THSD7B: variants seen among roughly 807,000 people sequenced by gnomAD.
The protein encoded by THSD7B is thrombospondin type-1 domain-containing protein 7B.
THSD7B carries 138 observed loss-of-function variants against 213.6 expected under a neutral mutation model. That is an observed-to-expected ratio of 0.65 (90% CI 0.56 to 0.74). The LOEUF (loss-of-function observed/expected upper bound fraction) is 0.74. Ranked by LOEUF, THSD7B falls within the 30% of genes least tolerant of loss-of-function variation. THSD7B has a pLI of 0.00. For synonymous variants in THSD7B, 742 were observed against 687.0 expected, an observed-to-expected ratio of 1.08 and a Z score of -1.25; for missense variants, 1,931 against 1,991.5, an observed-to-expected ratio of 0.97 and a Z score of 0.58.
chr2:137,043,434 C>T (rs977087989), intron 2 of THSD7B, among the ~76,000 whole-genome samples: 5 of 152,078 alleles, frequency 3.3e-5, no homozygotes, highest in African/African-American at 9.7e-5. Flanking sequence ...TCAGTGACCT[C>T]GGCCTGCTCT....
intron 1 of THSD7B, among the ~76,000 whole-genome samples, chr2:136,858,193 A>G (rs189151731): frequency 6.6e-6 from 1 of 152,376 alleles, no homozygotes; most frequent in East Asian, 1.9e-4. Context: ...ATACATTTAA[A>G]GCGATGATTA....
At chr2:137,599,349 A>G (rs1245537823) in intron 17 of THSD7B, among the ~76,000 whole-genome samples, 1 of 152,156 alleles carries the variant, frequency 6.6e-6, no homozygotes, top group Non-Finnish European at 1.5e-5. Context: ...ACTTCTCAAA[A>G]GAAGACATTT....
At chr2:136,946,235 G>A (rs1456511403) in intron 2 of THSD7B, among the ~76,000 whole-genome samples, 1 of 152,202 alleles carries the variant, frequency 6.6e-6, no homozygotes, top group Non-Finnish European at 1.5e-5. Context: ...CTGCAGGTCT[G>A]TTGGAGTGTG....
chr2:137,171,637 G>T (rs1410555985), intron 7 of THSD7B, among the ~76,000 whole-genome samples: 1 of 152,138 alleles, frequency 6.6e-6, no homozygotes, highest in Non-Finnish European at 1.5e-5. Flanking sequence ...AGAATATCGT[G>T]TATATTTATT....
At position 137,419,372 on chromosome 2, in the gene THSD7B, G is replaced by GTTTTTTTTTTTTTTTTTTTTTTTTTT. The variant is rs1246056674; in HGVS notation, c.2959+7502_2959+7503insTTTTTTTTTTTTTTTTTTTTTTTTTT. Among the ~76,000 whole-genome samples, 25 of 81,394 alleles carry GTTTTTTTTTTTTTTTTTTTTTTTTTT rather than the reference G, an allele frequency of 3.1e-4. 5 individuals are homozygous for GTTTTTTTTTTTTTTTTTTTTTTTTTT. The highest frequency in any genetic ancestry group is 6.4e-4 in the East Asian group (1 of 1,572). The allele number at this position is 81,394 out of a possible 152,430, so 53.4% of individuals were successfully genotyped here. ...AGCCCCCACTTTTGGTGGGTCCTGAGTTCTTGTCCCACATCAAAGAAGAAT... is the reference window on the plus strand; with the variant it reads ...AGCCCCCACTTTTGGTGGGTCCTGAGTTTTTTTTTTTTTTTTTTTTTTTTTTTTCTTGTCCCACATCAAAGAAGAAT... On this transcript the variant is annotated intron_variant, in intron 14 of 27. Transcript: ENST00000409968.
intron 4 of THSD7B, among the ~76,000 whole-genome samples, chr2:137,097,872 C>A (rs889703467): frequency 6.6e-6 from 1 of 151,112 alleles, no homozygotes; most frequent in East Asian, 1.9e-4. Flanking sequence ...TACCAATCAA[C>A]CAGTGTTCCA....
chr2:137,522,204 T>C (rs1409899381), intron 15 of THSD7B, among the ~76,000 whole-genome samples: 1 of 152,194 alleles, frequency 6.6e-6, no homozygotes, highest in African/African-American at 2.4e-5. Context: ...CTTCTCTCTG[T>C]GTGTAGTCTT....
intron 1 of THSD7B, among the ~76,000 whole-genome samples, chr2:136,775,404 G>A (rs1393027988): frequency 6.6e-6 from 1 of 152,098 alleles, no homozygotes; most frequent in East Asian, 1.9e-4. Context: ...TTGGTGACTT[G>A]TAACAAGTCA....
chr2:136,848,934 A>G (rs1683052437), intron 1 of THSD7B, among the ~76,000 whole-genome samples: 1 of 152,128 alleles, frequency 6.6e-6, no homozygotes, highest in African/African-American at 2.4e-5. Context: ...GCTACTGTTT[A>G]TTGAATGTCT....
At chr2:137,054,766 CTTT>C (rs200545780) in intron 2 of THSD7B, among the ~76,000 whole-genome samples, 2 of 145,154 alleles carry the variant, frequency 1.4e-5, no homozygotes, top group Non-Finnish European at 3.0e-5. Context: ...GCTGATAAAA[CTTT>C]TTTTTTTTTT....
intron 14 of THSD7B, among the ~76,000 whole-genome samples, chr2:137,449,188 C>A (rs1305381068): frequency 6.6e-6 from 1 of 151,828 alleles, no homozygotes; most frequent in Non-Finnish European, 1.5e-5. Context: ...TTATTCTGGG[C>A]CAGAAATGGT....
At chr2:137,234,239 G>C (rs1681712061) in intron 9 of THSD7B, among the ~76,000 whole-genome samples, 1 of 152,178 alleles carries the variant, frequency 6.6e-6, no homozygotes, top group African/African-American at 2.4e-5. Context: ...GCCCTCCATG[G>C]CAAAATATGA....
intron 1 of THSD7B, among the ~76,000 whole-genome samples, chr2:136,847,451 T>C (rs1440065645): frequency 6.6e-6 from 1 of 152,198 alleles, no homozygotes; most frequent in African/African-American, 2.4e-5. Flanking sequence ...GGGTGATTTC[T>C]GTCTCATGGA....
At chr2:136,845,149 T>G (rs1191597467) in intron 1 of THSD7B, among the ~76,000 whole-genome samples, 1 of 152,120 alleles carries the variant, frequency 6.6e-6, no homozygotes, top group African/African-American at 2.4e-5. Context: ...TCTCTAGAGA[T>G]GTTGTGAAGC....
chr2:137,304,251 A>G (rs1683686181), intron 12 of THSD7B, among the ~76,000 whole-genome samples: 1 of 152,126 alleles, frequency 6.6e-6, no homozygotes, highest in Admixed American at 6.5e-5. Flanking sequence ...AGATTGCACC[A>G]CTAATGTCTA....
At chr2:137,016,161 T>G (rs1014211051) in intron 2 of THSD7B, among the ~76,000 whole-genome samples, 8 of 152,082 alleles carry the variant, frequency 5.3e-5, no homozygotes, top group African/African-American at 1.9e-4. Flanking sequence ...TCCTCATCTA[T>G]GAGGAAATTG....
At chr2:136,858,444 T>G (rs1386337978) in intron 1 of THSD7B, among the ~76,000 whole-genome samples, 2 of 152,250 alleles carry the variant, frequency 1.3e-5, no homozygotes, top group African/African-American at 4.8e-5. Flanking sequence ...CTAATGGTCC[T>G]TTGCATTTCT....
At chr2:136,844,484 G>GAGAGAGAGAGAGAGAGAGAGAGAGAC (rs1470105512) in intron 1 of THSD7B, among the ~76,000 whole-genome samples, 1 of 149,530 alleles carries the variant, frequency 6.7e-6, no homozygotes, top group Non-Finnish European at 1.5e-5. Context: ...GAGAGAGAGA[G>GAGAGAGAGAGAGAGAGAGAGAGAGAC]AGAGAGAGAG....
chr2:137,666,937 A>G (rs1683459553), intron 26 of THSD7B, among the ~76,000 whole-genome samples: 1 of 152,150 alleles, frequency 6.6e-6, no homozygotes, highest in African/African-American at 2.4e-5. Context: ...ACTTGCAGAC[A>G]CATGGTCATA....
Sources: allele counts gnomAD v4.1 joint callset (sites outside exome capture counted in the v4.1 genomes callset), GRCh38; gene constraint gnomAD v4.1.1; transcripts MANE v1.5; gene names NCBI Gene and HGNC (gene_info 2026-07-23, HGNC 2026-07-21).